DNAH8: variants seen among roughly 807,000 people sequenced by gnomAD.
DNAH8 encodes the protein axonemal beta dynein heavy chain 8.
DNAH8 carries 382 observed loss-of-function variants against 562.1 expected under a neutral mutation model. That is an observed-to-expected ratio of 0.68 (90% CI 0.63 to 0.74). DNAH8 has a LOEUF of 0.74. Ranked by LOEUF, DNAH8 falls within the 30% of genes least tolerant of loss-of-function variation. The probability of loss-of-function intolerance (pLI) is 0.00; values close to 1 mark genes in which losing one functional copy is unlikely to be tolerated. For missense variants in DNAH8, 5,203 were observed against 5,620.4 expected, an observed-to-expected ratio of 0.93 and a Z score of 2.37; for synonymous variants, 1,881 against 1,919.4, an observed-to-expected ratio of 0.98 and a Z score of 0.52.
At chr6:38,856,753 C>T (rs562595971) in intron 41 of DNAH8, among the ~76,000 whole-genome samples, 2 of 152,108 alleles carry the variant, frequency 1.3e-5, no homozygotes, top group Non-Finnish European at 2.9e-5. Flanking sequence ...TGAGCCCATG[C>T]CAAGCAGTAT....
chr6:38,774,421 A>T lies in DNAH8; in HGVS notation c.1765-1333A>T, dbSNP rs553121978. Among the ~76,000 whole-genome samples, 366 of 152,292 alleles carry T rather than the reference A, an allele frequency of 2.4e-3. 4 individuals are homozygous for T. Among genetic ancestry groups the T allele is most frequent in the East Asian group, 0.024 (123 of 5,180 alleles). On this transcript the variant is annotated intron_variant, in intron 12 of 92. Transcript: ENST00000327475. ...GAGTACTGAGAGATTGAACATTGAT[A>T]GAGAGATGTTGAAAAAGCCAGGGCC...
At position 38,917,222 on chromosome 6, in the gene DNAH8, C is replaced by T; in HGVS notation, c.10141-17C>T. On this transcript the variant is annotated splice_polypyrimidine_tract_variant and intron_variant, in intron 68 of 92. Coordinates refer to ENST00000327475, the MANE Select transcript of DNAH8 (RefSeq NM_001206927.2). ...CCACTCAACAAACAAAATATTGATC[C>T]TTAATCCCAAATATAGACTATCAAG... 2 of 1,541,556 alleles carry T rather than the reference C, an allele frequency of 1.3e-6. No individual in the cohort carries two copies. Among genetic ancestry groups the T allele is most frequent in the Non-Finnish European group, 1.7e-6 (2 of 1,150,486 alleles).
Position 38,860,510 on chromosome 6 carries a change from A to G in DNAH8, c.6012A>G (p.Arg2004=), listed in dbSNP as rs769654987. Residue 2004 remains arginine (R), a synonymous_variant, in exon 43 of 93, where the codon AGA becomes AGG. Coordinates refer to ENST00000327475, the MANE Select transcript of DNAH8 (RefSeq NM_001206927.2). ...PTDFEWLKQS[R]FYFKEDLDQT... Reference sequence around the variant, plus strand: ...ACTTTGAATGGCTAAAACAGAGTAGATTTTATTTTAAGGAAGATTTGGATC... The same window carrying G: ...ACTTTGAATGGCTAAAACAGAGTAGGTTTTATTTTAAGGAAGATTTGGATC... 3 of 1,503,444 alleles carry G rather than the reference A, an allele frequency of 2.0e-6. No homozygotes were observed. The highest frequency in any genetic ancestry group is 2.9e-5 in the African/African-American group (2 of 69,594). 93.1% of individuals were successfully genotyped at this position (1,503,444 alleles called of 1,614,324 possible). A position where few individuals can be genotyped will look rare whatever the true frequency, so the allele number is the denominator to read the frequency against.
chr6:39,008,385 T>C (rs1765937976), intron 88 of DNAH8, among the ~76,000 whole-genome samples: 1 of 152,056 alleles, frequency 6.6e-6, no homozygotes, highest in Non-Finnish European at 1.5e-5. Context: ...AGGTTATAAC[T>C]CAGTGAGGAA....
chr6:38,818,537 C>CAAAAAAAAAAAAGAAA (rs775835573), intron 26 of DNAH8, among the ~76,000 whole-genome samples: 8 of 75,850 alleles, frequency 1.1e-4, no homozygotes, highest in African/African-American at 5.0e-4. Context: ...AAAGCAAAAG[C>CAAAAAAAAAAAAGAAA]AAAAAAAAAA....
chr6:38,845,918 CG>C, intron 36 of DNAH8, 145 bp downstream of exon 36: 3 of 659,224 alleles, frequency 4.6e-6, no homozygotes, highest in Non-Finnish European at 7.8e-6. Flanking sequence ...ACAAACTGCC[CG>C]TTTTCCCTAA....
intron 91 of DNAH8, among the ~76,000 whole-genome samples, chr6:39,015,759 T>A (rs1766526101): frequency 6.6e-6 from 1 of 152,230 alleles, no homozygotes; most frequent in Non-Finnish European, 1.5e-5. Context: ...CATTTGTTAA[T>A]AATACTTATC....
intron 91 of DNAH8, among the ~76,000 whole-genome samples, chr6:39,019,608 T>A (rs1358723638): frequency 6.6e-6 from 1 of 152,062 alleles, no homozygotes; most frequent in East Asian, 1.9e-4. Flanking sequence ...GCATTTGGAT[T>A]CATCTGGGAT....
chr6:38,952,642 T>A (rs1412821927), intron 82 of DNAH8, among the ~76,000 whole-genome samples: 1 of 152,174 alleles, frequency 6.6e-6, no homozygotes, highest in East Asian at 1.9e-4. Context: ...CATGTCCCTC[T>A]GCATAAAACC....
In DNAH8 at chr6:38,803,992, C is replaced by T. The variant is rs112827867; in HGVS notation, c.3034+681C>T. Among the ~76,000 whole-genome samples, 591 of 152,320 alleles carry T rather than the reference C, an allele frequency of 3.9e-3. 9 individuals carry two copies. Among genetic ancestry groups the T allele is most frequent in the African/African-American group, 0.014 (572 of 41,570 alleles). The stretch of plus-strand genomic sequence containing the variant: ...TTTGATTCTGCCCACACCCTCATAA[C>T]CTTCATTCAGTTGGCTTGACTGGGA... On this transcript the variant is annotated intron_variant, in intron 22 of 92. Transcript: ENST00000327475.
In DNAH8 at chr6:38,849,832, G is replaced by C. The variant is rs545300256; in HGVS notation, c.5200-419G>C. Among the ~76,000 whole-genome samples the C allele has an allele frequency of 2.6e-5, 4 of 151,190 alleles. No homozygotes were observed. The South Asian group carries it at 8.3e-4, about 31-fold the overall frequency. ...TACTGTCTTTTTTCTTTTTTTCCCC[G>C]CCTTGGGGTACTATTGAGCTGTAAT... On this transcript the variant is annotated intron_variant, in intron 37 of 92. Transcript: ENST00000327475.
rs1459169930 is a variant in DNAH8, at chr6:38,926,056, T to C, written c.10964T>C (p.Ile3655Thr). ...TGATATCCATTTCCTGTTGTTCAGA[T>C]TGGTGAGTGGGGGCTACAGGGATTA... ...LISMLVDPPT[I>T]GEWGLQGLPG... Residue 3655 changes from isoleucine (I) to threonine (T), a missense_variant and splice_region_variant, in exon 74 of 93, where the codon ATT becomes ACT. Coordinates refer to ENST00000327475, the MANE Select transcript of DNAH8 (RefSeq NM_001206927.2). 6.2e-7 allele frequency: 1 copy of C among 1,612,702 alleles called. No homozygotes were observed. The highest frequency in any genetic ancestry group is 8.5e-7 in the Non-Finnish European group (1 of 1,179,364).
chr6:38,786,947 T>C lies in DNAH8; in HGVS notation c.2578T>C (p.Leu860=), dbSNP rs1194379474. The change falls in exon 18 of 93, where the codon TTG becomes CTG. Residue 860 remains leucine, a synonymous_variant. Transcript: ENST00000327475. ...TAAATTGAAAGCAGACAAACTGTATTTGCAGGTAAGATAGATTATGTTTTC... is the reference window on the plus strand; with the variant it reads ...TAAATTGAAAGCAGACAAACTGTATCTGCAGGTAAGATAGATTATGTTTTC... ...ESKLKADKLY[L]QGLLQYYDEL... 1.2e-6 allele frequency: 2 copies of C among 1,600,530 alleles called. No individual in the cohort carries two copies. Among genetic ancestry groups the C allele is most frequent in the Non-Finnish European group, 1.7e-6 (2 of 1,174,278 alleles).
intron 88 of DNAH8, among the ~76,000 whole-genome samples, chr6:38,999,832 A>C (rs1323872332): frequency 6.6e-6 from 1 of 151,450 alleles, no homozygotes; most frequent in Non-Finnish European, 1.5e-5. Flanking sequence ...GTATTGTCAT[A>C]TTATATAATA....
chr6:38,740,477 C>T (rs1764435723), intron 7 of DNAH8, among the ~76,000 whole-genome samples: 2 of 151,976 alleles, frequency 1.3e-5, no homozygotes, highest in Middle Eastern at 3.2e-3. Flanking sequence ...TAAATTGTAT[C>T]TTTTTGGAAA....
chr6:38,926,718 G>T (rs114940603), intron 74 of DNAH8, among the ~76,000 whole-genome samples: 5 of 152,108 alleles, frequency 3.3e-5, no homozygotes, highest in African/African-American at 7.2e-5. Flanking sequence ...ACCAATGTGG[G>T]ATATTCAGTG....
chr6:38,921,950 G>T (rs1339492748), intron 71 of DNAH8, among the ~76,000 whole-genome samples: 1 of 152,068 alleles, frequency 6.6e-6, no homozygotes, highest in African/African-American at 2.4e-5. Flanking sequence ...GGCGGGCAGG[G>T]GTGGGGGTCA....
chr6:39,021,630 A>G (rs1489845962), intron 91 of DNAH8, among the ~76,000 whole-genome samples: 1 of 152,238 alleles, frequency 6.6e-6, no homozygotes, highest in Non-Finnish European at 1.5e-5. Context: ...CCAATGAACT[A>G]CATTTGCTTC....
chr6:38,804,322 T>C (rs1354375433), intron 22 of DNAH8, among the ~76,000 whole-genome samples: 1 of 152,246 alleles, frequency 6.6e-6, no homozygotes, highest in Non-Finnish European at 1.5e-5. Context: ...GTCCTAGATA[T>C]AACAAATCTT....
Sources: allele counts gnomAD v4.1 joint callset (sites outside exome capture counted in the v4.1 genomes callset), GRCh38; gene constraint gnomAD v4.1.1; transcripts MANE v1.5; gene names NCBI Gene and HGNC (gene_info 2026-07-23, HGNC 2026-07-21).